NRG2: variants seen among roughly 807,000 people sequenced by gnomAD.
NRG2 encodes the protein pro-neuregulin-2, membrane-bound isoform.
Under a neutral mutation model 73.9 loss-of-function variants are expected in NRG2, and 27 were observed. The observed-to-expected ratio is 0.37, with a 90% CI of 0.27 to 0.50. The LOEUF (loss-of-function observed/expected upper bound fraction) is 0.50. Ranked by LOEUF, NRG2 falls within the 20% of genes least tolerant of loss-of-function variation. The probability of loss-of-function intolerance (pLI) is 0.96; values close to 1 mark genes in which losing one functional copy is unlikely to be tolerated. For synonymous variants in NRG2, 532 were observed against 541.0 expected, an observed-to-expected ratio of 0.98 and a Z score of 0.23; for missense variants, 1,126 against 1,210.1, an observed-to-expected ratio of 0.93 and a Z score of 1.03.
chr5:139,908,359 A>G (rs1030282506), intron 1 of NRG2, among the ~76,000 whole-genome samples: 9 of 152,338 alleles, frequency 5.9e-5, no homozygotes, highest in Admixed American at 5.9e-4. Context: ...TCAGCCATCA[A>G]ATATTTCCTT....
At chr5:139,895,397 G>T (rs1416846212) in intron 1 of NRG2, among the ~76,000 whole-genome samples, 2 of 152,238 alleles carry the variant, frequency 1.3e-5, no homozygotes, top group African/African-American at 4.8e-5. Context: ...GATGGCACAG[G>T]TTCACAGAGC....
chr5:139,861,955 G>T (rs7737580), intron 5 of NRG2, among the ~76,000 whole-genome samples: 31,695 of 152,108 alleles, frequency 0.21, 5,535 homozygotes, highest in African/African-American at 0.48. Context: ...CCGACGAGGT[G>T]GTTGTATTAG....
At chr5:140,020,260 T>C (rs1371755164) in intron 1 of NRG2, among the ~76,000 whole-genome samples, 1 of 152,160 alleles carries the variant, frequency 6.6e-6, no homozygotes, top group Non-Finnish European at 1.5e-5. Context: ...CTGAAGCACG[T>C]TCAAAAAGTG....
intron 1 of NRG2, among the ~76,000 whole-genome samples, chr5:139,934,676 G>C (rs1488871412): frequency 6.6e-6 from 1 of 152,184 alleles, no homozygotes; most frequent in Non-Finnish European, 1.5e-5. Context: ...TAAAGGAAGA[G>C]ATTGTCAAAT....
chr5:139,871,616 CTCT>C, intron 4 of NRG2, 102 bp downstream of exon 4: 1 of 1,478,440 alleles, frequency 6.8e-7, no homozygotes, highest in Non-Finnish European at 9.2e-7. Flanking sequence ...CCTTGGGGAC[CTCT>C]TGTCAGTGGC....
chr5:140,029,368 G>A (rs1234785214), intron 1 of NRG2, among the ~76,000 whole-genome samples: 1 of 152,154 alleles, frequency 6.6e-6, no homozygotes, highest in Non-Finnish European at 1.5e-5. Flanking sequence ...ATTGCAGCTA[G>A]CCTGCATTGA....
chr5:139,920,428 G>C (rs935091320), intron 1 of NRG2, among the ~76,000 whole-genome samples: 5 of 152,200 alleles, frequency 3.3e-5, no homozygotes, highest in Non-Finnish European at 7.3e-5. Context: ...AAGTACTGGG[G>C]ATCTGGTAAC....
intron 1 of NRG2, among the ~76,000 whole-genome samples, chr5:139,918,107 T>C (rs576190825): frequency 5.2e-4 from 79 of 152,362 alleles, no homozygotes; most frequent in African/African-American, 1.8e-3. Flanking sequence ...GATATTCCAT[T>C]GTCCCAGCAC....
chr5:139,849,510 C>G (rs1225683732), intron 9 of NRG2, among the ~76,000 whole-genome samples: 4 of 152,170 alleles, frequency 2.6e-5, no homozygotes, highest in Non-Finnish European at 5.9e-5. Context: ...TTGCTAATAT[C>G]TCCCAGGCTG....
chr5:139,976,736 T>C (rs1756409348), intron 1 of NRG2, among the ~76,000 whole-genome samples: 1 of 152,242 alleles, frequency 6.6e-6, no homozygotes, highest in Non-Finnish European at 1.5e-5. Context: ...GACAGGTTCT[T>C]ATCTTTTCCA....
chr5:139,939,249 T>C (rs1314836341), intron 1 of NRG2, among the ~76,000 whole-genome samples: 1 of 148,826 alleles, frequency 6.7e-6, no homozygotes, highest in African/African-American at 2.5e-5. Flanking sequence ...CCTTCCTTTC[T>C]TTCTTTCTTT....
At chr5:139,989,554 TA>T (rs1314112843) in intron 1 of NRG2, among the ~76,000 whole-genome samples, 2 of 151,964 alleles carry the variant, frequency 1.3e-5, no homozygotes, top group African/African-American at 2.4e-5. Flanking sequence ...TAAATACACA[TA>T]TTTTTAAAGT....
At chr5:139,877,099 C>T (rs1320876577) in intron 3 of NRG2, among the ~76,000 whole-genome samples, 2 of 152,202 alleles carry the variant, frequency 1.3e-5, no homozygotes, top group Admixed American at 1.3e-4. Context: ...GGGGCTGGTA[C>T]AGCCACCTCA....
chr5:139,901,473 C>T (rs1467839804), intron 1 of NRG2, among the ~76,000 whole-genome samples: 1 of 152,100 alleles, frequency 6.6e-6, no homozygotes, highest in Non-Finnish European at 1.5e-5. Flanking sequence ...GATGTGGCTC[C>T]GATACATGCA....
In NRG2 at chr5:139,904,404, CG is replaced by C. The variant is rs775884268; in HGVS notation, c.701-16894del. On this transcript the variant is annotated intron_variant, in intron 1 of 9. Coordinates refer to ENST00000361474, the MANE Select transcript of NRG2 (RefSeq NM_004883.3). The surrounding 1 kb of genome is among the most constrained non-coding windows in gnomAD (Gnocchi z 6.0). The stretch of plus-strand genomic sequence containing the variant: ...TCCTCCTGGACTCCGACATTCTGCA[CG>C]GGGTCCCAGGCGGTGGGACGGCCTC... 30 of 1,525,916 alleles carry C rather than the reference CG, an allele frequency of 2.0e-5. No individual in the cohort carries two copies. Among genetic ancestry groups the C allele is most frequent in the Non-Finnish European group, 1.8e-6 (2 of 1,122,198 alleles). 94.5% of individuals were successfully genotyped at this position (1,525,916 alleles called of 1,614,324 possible). A position where few individuals can be genotyped will look rare whatever the true frequency, so the allele number is the denominator to read the frequency against.
At chr5:139,898,257 G>A (rs1266968936) in intron 1 of NRG2, among the ~76,000 whole-genome samples, 1 of 152,238 alleles carries the variant, frequency 6.6e-6, no homozygotes, top group Non-Finnish European at 1.5e-5. Context: ...CAGGAACAAG[G>A]CCGGAAGGAA....
chr5:139,908,225 G>T (rs901764788), intron 1 of NRG2, among the ~76,000 whole-genome samples: 14 of 152,228 alleles, frequency 9.2e-5, no homozygotes, highest in Non-Finnish European at 7.3e-5. Context: ...GTAAATAATG[G>T]GAAGTTGAGG....
chr5:139,892,888 C>T (rs1158590114), intron 1 of NRG2, among the ~76,000 whole-genome samples: 1 of 152,170 alleles, frequency 6.6e-6, no homozygotes, highest in Non-Finnish European at 1.5e-5. Context: ...CTCTCCTTTC[C>T]CCTGTTTATT....
chr5:139,912,354 C>T (rs918390514), intron 1 of NRG2, among the ~76,000 whole-genome samples: 2 of 152,156 alleles, frequency 1.3e-5, no homozygotes, highest in African/African-American at 4.8e-5. Context: ...CCTAGCCCAA[C>T]CCAGCCCAGC....
Sources: allele counts gnomAD v4.1 joint callset (sites outside exome capture counted in the v4.1 genomes callset), GRCh38; gene constraint gnomAD v4.1.1; non-coding constraint Gnocchi (gnomAD v3.1); transcripts MANE v1.5; gene names NCBI Gene and HGNC (gene_info 2026-07-23, HGNC 2026-07-21).